Variants in GRIN2D observed in about 807,000 individuals in gnomAD.
GRIN2D encodes the protein glutamate ionotropic receptor NMDA type subunit 2D, also known as glutamate receptor ionotropic, NMDA 2D.
GRIN2D carries 37 observed loss-of-function variants against 103.2 expected under a neutral mutation model. The ratio of observed to expected loss-of-function variants is 0.36; its 90% CI spans 0.28 to 0.47. GRIN2D has a LOEUF of 0.47. Ranked by LOEUF, GRIN2D falls within the 20% of genes least tolerant of loss-of-function variation. GRIN2D has a pLI of 1.00. For synonymous variants in GRIN2D, 845 were observed against 885.6 expected (o/e 0.95, Z 0.81); for missense variants, 1,557 against 1,910.6 (o/e 0.81, Z 3.45).
At position 48,432,470 on chromosome 19, in the gene GRIN2D, C is replaced by T. The variant is rs537212582; in HGVS notation, c.2253-9299C>T. The stretch of plus-strand genomic sequence containing the variant: ...TACAATATCTCCCTCTCCTTCATTT[C>T]TCTGTTTGTTTATTTATTTATGTTT... On this transcript the variant is annotated intron_variant, in intron 11 of 13. Transcript: ENST00000263269. 4.6e-5 allele frequency among the ~76,000 whole-genome samples: 7 copies of T among 152,092 alleles called. No individual in the cohort carries two copies. In the South Asian group the frequency reaches 1.5e-3, roughly 32 times the overall value.
Position 48,421,244 on chromosome 19 carries a change from C to T in GRIN2D, c.2092-541C>T, listed in dbSNP as rs926162091. Among the ~76,000 whole-genome samples the T allele has an allele frequency of 1.3e-5, 2 of 152,076 alleles. No homozygotes were observed. Among genetic ancestry groups the T allele is most frequent in the African/African-American group, 4.8e-5 (2 of 41,394 alleles). ...GGTAGTTCGAGACCAGCCTGACCAA[C>T]ATGGAGAAACCCCATCTCTACTAAA... is the stretch of plus-strand genomic sequence containing the variant. On this transcript the variant is annotated intron_variant, in intron 10 of 13. Coordinates refer to ENST00000263269, the MANE Select transcript of GRIN2D (RefSeq NM_000836.4). This position sits in a 1 kb window ranked among gnomAD's most constrained non-coding sequence, Gnocchi z 4.8.
At position 48,442,687 on chromosome 19, in the gene GRIN2D, C is replaced by G; in HGVS notation, c.2761C>G (p.Pro921Ala). ...ACAGCCCCTGCCCAGCCCCGCGTAC[C>G]CCGCGCCGCGGCCGGCTCCCGGGCC... ...PPQPLPSPAY[P>A]APRPAPGPAP... The change falls in exon 14 of 14, where the codon CCC becomes GCC. Residue 921 changes from proline (P) to alanine (A), a missense_variant. Pro to Ala is a conservative substitution (Grantham distance 27, BLOSUM62 -1). Coordinates refer to ENST00000263269, the MANE Select transcript of GRIN2D (RefSeq NM_000836.4). This position sits in a 1 kb window ranked among gnomAD's most constrained non-coding sequence, Gnocchi z 7.2. 3 of 1,202,692 alleles carry G rather than the reference C, an allele frequency of 2.5e-6. No individual in the cohort carries two copies. Among genetic ancestry groups the G allele is most frequent in the East Asian group, 3.8e-5 (1 of 26,174 alleles). 74.5% of individuals were successfully genotyped at this position (1,202,692 alleles called of 1,614,324 possible).
chr19:48,412,383 A>G (rs1395610649), intron 4 of GRIN2D, among the ~76,000 whole-genome samples: 2 of 149,490 alleles, frequency 1.3e-5, no homozygotes, highest in African/African-American at 5.0e-5. Flanking sequence ...AAAAAAGAAA[A>G]GAAGAAAGAG....
At chr19:48,436,703 G>T (rs578242528) in intron 11 of GRIN2D, among the ~76,000 whole-genome samples, 57 of 152,212 alleles carry the variant, frequency 3.7e-4, no homozygotes, top group Non-Finnish European at 7.3e-4. Flanking sequence ...AGTCAGTCAG[G>T]CAAAGGCACT....
chr19:48,441,311 C>T (rs1408879239), intron 11 of GRIN2D, among the ~76,000 whole-genome samples: 7 of 144,522 alleles, frequency 4.8e-5, no homozygotes, highest in Non-Finnish European at 1.5e-5. Flanking sequence ...TGCAGTGAGC[C>T]GAGACTGTGC....
At chr19:48,402,919 C>A (rs560322520) in intron 3 of GRIN2D, among the ~76,000 whole-genome samples, 1 of 151,740 alleles carries the variant, frequency 6.6e-6, no homozygotes, top group Non-Finnish European at 1.5e-5. Context: ...AGGATAGGGG[C>A]CAGGCATGGT....
In GRIN2D at chr19:48,415,004, A is replaced by T; in HGVS notation, c.1553A>T (p.Asp518Val). The change falls in exon 7 of 14, where the codon GAT (aspartate) becomes GTT (valine). Residue 518 changes from aspartate to valine, a missense_variant. Physicochemically the swap from Asp to Val is radical, Grantham distance 152. Coordinates refer to ENST00000263269, the MANE Select transcript of GRIN2D (RefSeq NM_000836.4). ...AATGGCAAGCACGGAAAGAAGATCG[A>T]TGGCGTCTGGAACGGCATGATCGGG... ...VTNGKHGKKI[D>V]GVWNGMIGEV... The T allele has an allele frequency of 6.2e-7, 1 of 1,604,310 alleles. No individual in the cohort carries two copies. Among genetic ancestry groups the T allele is most frequent in the Non-Finnish European group, 8.5e-7 (1 of 1,173,132 alleles).
At position 48,441,761 on chromosome 19, in the gene GRIN2D, C is replaced by T; in HGVS notation, c.2253-8C>T. The T allele has an allele frequency of 1.9e-6, 3 of 1,603,862 alleles. No homozygotes were observed. The South Asian group carries it at 3.3e-5, about 18-fold the overall frequency. ...ACTGACCCTACCCTCCATTCCCCCTCCCCCCAGGAAGCTGGACGCCTTCAT... is the reference window on the plus strand; with the variant it reads ...ACTGACCCTACCCTCCATTCCCCCTTCCCCCAGGAAGCTGGACGCCTTCAT... On this transcript the variant is annotated splice_region_variant and splice_polypyrimidine_tract_variant and intron_variant, in intron 11 of 13. Transcript: ENST00000263269.
intron 11 of GRIN2D, among the ~76,000 whole-genome samples, chr19:48,432,145 T>C (rs1461536160): frequency 2.1e-5 from 3 of 142,244 alleles, no homozygotes; most frequent in Non-Finnish European, 4.6e-5. Context: ...CTCCTGACCT[T>C]GTGATCCGCC....
Position 48,394,016 on chromosome 19 carries a change from T to TC in GRIN2D, c.-306+154dup, listed in dbSNP as rs1970598243. Among the ~76,000 whole-genome samples the TC allele has an allele frequency of 6.6e-6, 1 of 151,826 alleles. No homozygotes were observed. The highest frequency in any genetic ancestry group is 1.5e-5 in the Non-Finnish European group (1 of 67,908). ...TGGGTGTCGTGGGGCTCCCGCTCCT[T>TC]CCCCCCGGCCCCCCCAAACCCAGAT... On this transcript the variant is annotated intron_variant, in intron 1 of 13. Coordinates refer to ENST00000263269, the MANE Select transcript of GRIN2D (RefSeq NM_000836.4). This position sits in a 1 kb window ranked among gnomAD's most constrained non-coding sequence, Gnocchi z 5.1.
chr19:48,436,546 T>G (rs964616835), intron 11 of GRIN2D, among the ~76,000 whole-genome samples: 2 of 152,206 alleles, frequency 1.3e-5, no homozygotes, highest in Admixed American at 6.5e-5. Flanking sequence ...GGTAGACTAG[T>G]CCCCAGGCAA....
chr19:48,414,332 A>T lies in GRIN2D; in HGVS notation c.1201-41A>T. 6.7e-7 allele frequency: 1 copy of T among 1,488,698 alleles called. No homozygotes were observed. Among genetic ancestry groups the T allele is most frequent in the South Asian group, 1.2e-5 (1 of 84,318 alleles). 92.2% of individuals were successfully genotyped at this position (1,488,698 alleles called of 1,614,324 possible). ...TCATGGAGGCCAGGATACACCGGGAAGTCTTCCCAGGAAGCCTGACTCTCT... is the reference window on the plus strand; with the variant it reads ...TCATGGAGGCCAGGATACACCGGGATGTCTTCCCAGGAAGCCTGACTCTCT... On this transcript the variant is annotated intron_variant, in intron 5 of 13. Transcript: ENST00000263269. This position sits in a 1 kb window ranked among gnomAD's most constrained non-coding sequence, Gnocchi z 4.6.
intron 4 of GRIN2D, among the ~76,000 whole-genome samples, chr19:48,408,265 C>T (rs1213803819): frequency 2.0e-5 from 3 of 146,854 alleles, no homozygotes; most frequent in Admixed American, 7.0e-5. Flanking sequence ...ACCCGGGAGG[C>T]GGAGCTTGCA....
chr19:48,396,359 G>A (rs895917716), intron 2 of GRIN2D, among the ~76,000 whole-genome samples: 4 of 152,072 alleles, frequency 2.6e-5, no homozygotes, highest in Non-Finnish European at 5.9e-5. Flanking sequence ...CCGTGAGAAG[G>A]GTGGGGCCGG....
intron 11 of GRIN2D, among the ~76,000 whole-genome samples, chr19:48,438,638 T>G (rs1287736284): frequency 6.6e-6 from 1 of 151,974 alleles, no homozygotes; most frequent in Non-Finnish European, 1.5e-5. Flanking sequence ...TTCGCCATGT[T>G]GGCCAGGCTG....
At chr19:48,413,876 A>G (rs1284362690) in intron 4 of GRIN2D, 115 bp from the exon 5 acceptor site, 2 of 678,362 alleles carry the variant, frequency 2.9e-6, no homozygotes, top group Non-Finnish European at 5.4e-6. Context: ...AGGTAAAAGA[A>G]GAGAGATTCC....
intron 11 of GRIN2D, among the ~76,000 whole-genome samples, chr19:48,438,117 C>T (rs1183399389): frequency 2.0e-5 from 3 of 152,062 alleles, no homozygotes; most frequent in Non-Finnish European, 2.9e-5. Flanking sequence ...AACAACCACA[C>T]ACACACGGCA....
chr19:48,443,904 G>A lies in GRIN2D; in HGVS notation c.3978G>A (p.Ser1326=). Residue 1326 remains serine (S), a synonymous_variant, in exon 14 of 14, where the codon TCG becomes TCA. Coordinates refer to ENST00000263269, the MANE Select transcript of GRIN2D (RefSeq NM_000836.4). This position sits in a 1 kb window ranked among gnomAD's most constrained non-coding sequence, Gnocchi z 8.9. ...RGGDLGTRRG[S]AHFSSLESEV is the part of the protein sequence containing the mutation. The stretch of plus-strand genomic sequence containing the variant: ...GGGACCTGGGCACCCGCAGGGGCTC[G>A]GCGCACTTCTCTAGCCTCGAGTCCG... The A allele has an allele frequency of 2.1e-6, 3 of 1,458,040 alleles. No homozygotes were observed. Among genetic ancestry groups the A allele is most frequent in the Non-Finnish European group, 2.7e-6 (3 of 1,109,902 alleles). The allele number at this position is 1,458,040 out of a possible 1,614,324, so 90.3% of individuals were successfully genotyped here.
At chr19:48,395,291 G>C (rs12460951) in intron 2 of GRIN2D, among the ~76,000 whole-genome samples, 3,195 of 146,348 alleles carry the variant, frequency 0.022, 111 homozygotes, top group African/African-American at 0.076. Flanking sequence ...CCCCCATCGC[G>C]AGCCGGTCCT....
Sources: gnomAD v4.1 joint callset for allele counts (sites outside exome capture counted in the v4.1 genomes callset) on GRCh38, gnomAD v4.1.1 for gene constraint, Gnocchi (gnomAD v3.1) non-coding constraint, MANE v1.5 for transcripts, NCBI Gene and HGNC (gene_info 2026-07-23, HGNC 2026-07-21) for gene names.